Variants in CPLANE1 observed in about 807,000 individuals in gnomAD.
CPLANE1 encodes ciliogenesis and planar polarity effector 1.
CPLANE1 carries 263 observed loss-of-function variants against 362.5 expected under a neutral mutation model. The ratio of observed to expected loss-of-function variants is 0.73; its 90% CI spans 0.66 to 0.80. The LOEUF (loss-of-function observed/expected upper bound fraction) is 0.80, where lower values mean the gene tolerates loss of function less well. Ranked by LOEUF, CPLANE1 falls within the 30% of genes least tolerant of loss-of-function variation. CPLANE1 has a pLI of 0.00. For synonymous variants in CPLANE1, 1,212 were observed against 1,302.6 expected (o/e 0.93, Z 1.50); for missense variants, 3,461 against 3,793.4 (o/e 0.91, Z 2.30).
At chr5:37,124,955 A>G (rs1016685321) in intron 47 of CPLANE1, 6 of 1,138,110 alleles carry the variant, frequency 5.3e-6, no homozygotes, top group African/African-American at 4.9e-5. Context: ...AAGAACTCCA[A>G]TTGGTCACCC....
chr5:37,245,464 T>TA lies in CPLANE1; in HGVS notation c.337+14dup. 2.1e-6 allele frequency: 3 copies of TA among 1,433,254 alleles called. No individual in the cohort carries two copies. The highest frequency in any genetic ancestry group is 2.8e-6 in the Non-Finnish European group (3 of 1,088,536). The allele number at this position is 1,433,254 out of a possible 1,614,324, so 88.8% of individuals were successfully genotyped here. ...TCCTAGTTAAACCAACTTAAACAAATAAAAAAATTCCCACCGACTGTAGCT... is the reference window on the plus strand; with the variant it reads ...TCCTAGTTAAACCAACTTAAACAAATAAAAAAAATTCCCACCGACTGTAGCT... On this transcript the variant is annotated intron_variant, in intron 4 of 52. Coordinates refer to ENST00000651892, the MANE Select transcript of CPLANE1 (RefSeq NM_001384732.1).
At chr5:37,185,462 T>A (rs1783734734) in intron 24 of CPLANE1, among the ~76,000 whole-genome samples, 1 of 152,082 alleles carries the variant, frequency 6.6e-6, no homozygotes, top group Non-Finnish European at 1.5e-5. Flanking sequence ...ATGAGGATAA[T>A]TCTAGCCAAA....
At chr5:37,173,495 G>C (rs1391253199) in intron 32 of CPLANE1, among the ~76,000 whole-genome samples, 1 of 151,856 alleles carries the variant, frequency 6.6e-6, no homozygotes, top group Admixed American at 6.6e-5. Flanking sequence ...TTTCCTAGCA[G>C]AGTCTCACTA....
chr5:37,128,274 C>T (rs780700981), intron 46 of CPLANE1, among the ~76,000 whole-genome samples: 1 of 152,074 alleles, frequency 6.6e-6, no homozygotes, highest in African/African-American at 2.4e-5. Context: ...AGTAAAAAAG[C>T]TGTCACTCTT....
intron 7 of CPLANE1, 39 bp downstream of exon 7, chr5:37,239,671 CCTT>C (rs1799899142): frequency 1.1e-5 from 14 of 1,294,746 alleles, no homozygotes; most frequent in East Asian, 2.9e-5. Flanking sequence ...GGAATAAACT[CCTT>C]CTTTTATAGA....
chr5:37,087,983 C>T, the CPLANE1 span, among the ~76,000 whole-genome samples: 2 of 152,112 alleles, frequency 1.3e-5, no homozygotes, highest in African/African-American at 2.4e-5. Flanking sequence ...ATCAGGTGGC[C>T]GGCCAAGACA....
chr5:37,155,668 C>T (rs1268820823), intron 41 of CPLANE1, among the ~76,000 whole-genome samples: 1 of 152,252 alleles, frequency 6.6e-6, no homozygotes, highest in East Asian at 1.9e-4. Flanking sequence ...AGCCACCACA[C>T]CCAGCCAAAC....
intron 46 of CPLANE1, among the ~76,000 whole-genome samples, chr5:37,136,715 A>G (rs1274323625): frequency 6.6e-6 from 1 of 152,194 alleles, no homozygotes; most frequent in Admixed American, 6.5e-5. Flanking sequence ...CCAAACTTCA[A>G]TTCTTGACTT....
At chr5:37,232,839 CAAAAAAAAA>C (rs765038993) in intron 8 of CPLANE1, among the ~76,000 whole-genome samples, 4 of 62,008 alleles carry the variant, frequency 6.5e-5, no homozygotes, top group African/African-American at 5.6e-5. Flanking sequence ...GACCTTGTTG[CAAAAAAAAA>C]AAAAAAAAAA....
At chr5:37,114,608 T>C (rs192701930) in intron 51 of CPLANE1, among the ~76,000 whole-genome samples, 42 of 152,170 alleles carry the variant, frequency 2.8e-4, no homozygotes, top group Admixed American at 3.9e-4. Context: ...TTTTAAAATT[T>C]AGTATTAAGG....
At position 37,206,256 on chromosome 5, in the gene CPLANE1, C is replaced by T. The variant is rs768564404; in HGVS notation, c.3090G>A (p.Thr1030=). ...WLAYKLGDWK[T]SVSIGVAFQL... ...GGAAAGCCACACCAATTGAAACAGA[C>T]GTCTTCCAGTCTCCAAGTTTATATG... The change falls in exon 17 of 53, where the codon ACG becomes ACA. Residue 1030 remains threonine, a synonymous_variant. Coordinates refer to ENST00000651892, the MANE Select transcript of CPLANE1 (RefSeq NM_001384732.1). 114 of 1,551,678 alleles carry T rather than the reference C, an allele frequency of 7.3e-5. No homozygotes were observed. Among genetic ancestry groups the T allele is most frequent in the East Asian group, 1.2e-4 (5 of 40,928 alleles).
At chr5:37,128,855 C>A (rs116613862) in intron 46 of CPLANE1, among the ~76,000 whole-genome samples, 22,442 of 149,456 alleles carry the variant, frequency 0.15, 1,939 homozygotes, top group African/African-American at 0.24. Context: ...TCAAAAAAAA[C>A]CAAAAAAAAA....
chr5:37,084,346 G>T, the CPLANE1 span, among the ~76,000 whole-genome samples: 1 of 151,968 alleles, frequency 6.6e-6, no homozygotes, highest in Non-Finnish European at 1.5e-5. Context: ...AATCTCACAG[G>T]ACCTATAAAA....
the CPLANE1 span, among the ~76,000 whole-genome samples, chr5:37,081,341 G>GTCTC: frequency 1.3e-5 from 2 of 150,228 alleles, no homozygotes; most frequent in Admixed American, 6.6e-5. Flanking sequence ...TTGAGACAGA[G>GTCTC]TCTCTCTCTC....
chr5:37,225,811 T>A (rs1189120749), intron 12 of CPLANE1, among the ~76,000 whole-genome samples: 1 of 124,918 alleles, frequency 8.0e-6, no homozygotes, highest in East Asian at 2.5e-4. Flanking sequence ...CGAGATTGCA[T>A]CATCGCACTC....
intron 44 of CPLANE1, chr5:37,141,333 T>G: frequency 1.0e-6 from 1 of 985,366 alleles, no homozygotes; most frequent in Non-Finnish European, 1.2e-6. Flanking sequence ...TTAACCTCAT[T>G]TGTCAATCCT....
rs536851859 is a variant in CPLANE1 at position 37,180,018 on chromosome 5, T to G, written c.5736A>C (p.Glu1912Asp). 5 of 1,540,154 alleles carry G rather than the reference T, an allele frequency of 3.2e-6. No individual in the cohort carries two copies. The highest frequency in any genetic ancestry group is 4.4e-6 in the Non-Finnish European group (5 of 1,148,380). ...AATAGATTATCTAAATGAACTGACC[T>G]TCATAGTCTGATATGTGCATATCCA... is the stretch of plus-strand genomic sequence containing the variant. ...EEMDMHISDY[E>D]EDIEESVGGF... is the part of the protein sequence containing the mutation. Residue 1912 changes from glutamate (E) to aspartate (D), a missense_variant and splice_region_variant, in exon 28 of 53, where the codon GAA becomes GAC. Transcript: ENST00000651892.
intron 14 of CPLANE1, among the ~76,000 whole-genome samples, chr5:37,221,717 T>C (rs939454103): frequency 2.6e-5 from 4 of 152,114 alleles, no homozygotes; most frequent in African/African-American, 9.7e-5. Flanking sequence ...TCAGAAAGAA[T>C]GGATAAGAGG....
the CPLANE1 span, among the ~76,000 whole-genome samples, chr5:37,082,467 T>C: frequency 2.0e-5 from 3 of 152,132 alleles, no homozygotes; most frequent in Non-Finnish European, 4.4e-5. Flanking sequence ...AACAATGTGA[T>C]AGTGACATAA....
Sources: allele counts gnomAD v4.1 joint callset (sites outside exome capture counted in the v4.1 genomes callset), GRCh38; gene constraint gnomAD v4.1.1; transcripts MANE v1.5; gene names NCBI Gene and HGNC (gene_info 2026-07-23, HGNC 2026-07-21).